CRKL: variants seen among roughly 807,000 people sequenced by gnomAD.
The protein encoded by CRKL is crk-like protein.
CRKL carries 3 observed loss-of-function variants against 23.0 expected under a neutral mutation model. That is an observed-to-expected ratio of 0.13 (90% confidence interval 0.06 to 0.34). The LOEUF (loss-of-function observed/expected upper bound fraction) is 0.34. Ranked by LOEUF, CRKL falls within the 10% of genes least tolerant of loss-of-function variation. The pLI is 1.00. For synonymous variants in CRKL, 188 were observed against 160.7 expected (o/e 1.17, Z -1.28); for missense variants, 256 against 394.5 (o/e 0.65, Z 2.97).
At chr22:20,930,849 T>A (rs1921422901) in intron 1 of CRKL, among the ~76,000 whole-genome samples, 1 of 150,868 alleles carries the variant, frequency 6.6e-6, no homozygotes, top group Non-Finnish European at 1.5e-5. Flanking sequence ...CCTGGCTAAT[T>A]TTTTGTATTT....
intron 2 of CRKL, among the ~76,000 whole-genome samples, chr22:20,941,589 T>TATATATATATATA (rs1491187455): frequency 3.1e-5 from 1 of 32,214 alleles, no homozygotes; most frequent in African/African-American, 1.1e-4. Flanking sequence ...TATATATATA[T>TATATATATATATA]TTTTTTTTTT....
At chr22:20,946,147 A>G (rs1306987923) in intron 2 of CRKL, among the ~76,000 whole-genome samples, 1 of 152,204 alleles carries the variant, frequency 6.6e-6, no homozygotes, top group Non-Finnish European at 1.5e-5. Flanking sequence ...CTGAAAGCAT[A>G]CAATCTCAGC....
intron 1 of CRKL, among the ~76,000 whole-genome samples, chr22:20,918,495 A>G (rs1318678142): frequency 2.0e-5 from 3 of 151,810 alleles, no homozygotes; most frequent in Non-Finnish European, 4.4e-5. Flanking sequence ...TGAATGTTTA[A>G]CGGTGGTTGC....
At chr22:20,930,049 G>A (rs1347732310) in intron 1 of CRKL, among the ~76,000 whole-genome samples, 1 of 152,152 alleles carries the variant, frequency 6.6e-6, no homozygotes, top group Non-Finnish European at 1.5e-5. Flanking sequence ...GATTGATTTG[G>A]TGTCAAATTT....
intron 1 of CRKL, among the ~76,000 whole-genome samples, chr22:20,923,049 G>T (rs1397296375): frequency 2.6e-5 from 4 of 152,126 alleles, no homozygotes; most frequent in Non-Finnish European, 5.9e-5. Context: ...AGCTTGCTTT[G>T]TTTGACATTT....
chr22:20,943,336 T>A (rs1043856346), intron 2 of CRKL, among the ~76,000 whole-genome samples: 1 of 152,038 alleles, frequency 6.6e-6, no homozygotes, highest in African/African-American at 2.4e-5. Flanking sequence ...GCCTTCCAGA[T>A]TCAAGCAATT....
In CRKL at chr22:20,938,837, T is replaced by C. The variant is rs745594447; in HGVS notation, c.777+4593T>C. ...AAGTGTCTAAATGCAGCCTCACCTGTGCTTTTCCCCCATGGTGTGGCATAA... is the reference window on the plus strand; with the variant it reads ...AAGTGTCTAAATGCAGCCTCACCTGCGCTTTTCCCCCATGGTGTGGCATAA... On this transcript the variant is annotated intron_variant, in intron 2 of 2. Transcript: ENST00000354336. Among the ~76,000 whole-genome samples the C allele has an allele frequency of 3.6e-4, 55 of 152,160 alleles. 1 individual carries two copies. Among genetic ancestry groups the C allele is most frequent in the Non-Finnish European group, 1.6e-4 (11 of 68,034 alleles).
At chr22:20,939,402 G>A (rs1308071780) in intron 2 of CRKL, among the ~76,000 whole-genome samples, 4 of 63,824 alleles carry the variant, frequency 6.3e-5, no homozygotes, top group Non-Finnish European at 7.6e-5. Context: ...CACCACGCCC[G>A]GCTAATTTTT....
At chr22:20,945,812 C>T (rs1485359803) in intron 2 of CRKL, among the ~76,000 whole-genome samples, 1 of 151,010 alleles carries the variant, frequency 6.6e-6, no homozygotes, top group East Asian at 1.9e-4. Context: ...CCTTTGTGTC[C>T]TCTGTTGTAT....
intron 2 of CRKL, among the ~76,000 whole-genome samples, chr22:20,937,116 TG>T (rs1174809851): frequency 1.3e-5 from 2 of 151,966 alleles, no homozygotes; most frequent in African/African-American, 2.4e-5. Context: ...CCTCCCAAAG[TG>T]CTCGGATTAC....
rs1229704391 is a variant in CRKL, at chr22:20,949,867, C to T, written c.*22C>T. ...GTGATTGCTGTTGCCCTGTTTCCTG[C>T]TGCTTTGTTGTTCTGCCTGTCCTAG... On this transcript the variant is annotated 3_prime_UTR_variant, in exon 3 of 3. Coordinates refer to ENST00000354336, the MANE Select transcript of CRKL (RefSeq NM_005207.4). 1.9e-6 allele frequency: 3 copies of T among 1,596,750 alleles called. No homozygotes were observed. In the Admixed American group the frequency reaches 5.4e-5, roughly 29 times the overall value.
rs1922250616 is a variant in CRKL, at chr22:20,950,892, T to C, written c.*1047T>C. 4.3e-6 allele frequency: 1 copy of C among 231,820 alleles called. No homozygotes were observed. The highest frequency in any genetic ancestry group is 2.2e-5 in the African/African-American group (1 of 45,270). The allele number at this position is 231,820 out of a possible 1,614,324, so 14.4% of individuals were successfully genotyped here. On this transcript the variant is annotated 3_prime_UTR_variant, in exon 3 of 3. Transcript: ENST00000354336. ...TTGCCAGTAGTACCTTGTTTTGCCA[T>C]GTAGCAGACAACACACAAAATAATG...
Position 20,927,192 on chromosome 22 carries a change from A to ATTTTTTTTT in CRKL, c.312-6577_312-6569dup, listed in dbSNP as rs532930393. ...AGTACTTAGCTCATCTTGGAATTGA[A>ATTTTTTTTT]TTTTTTTTTTTTTTTTTTGAGACAG... On this transcript the variant is annotated intron_variant, in intron 1 of 2. Transcript: ENST00000354336. Among the ~76,000 whole-genome samples, 310 of 81,958 alleles carry ATTTTTTTTT rather than the reference A, an allele frequency of 3.8e-3. 42 individuals are homozygous for ATTTTTTTTT. The highest frequency in any genetic ancestry group is 0.016 in the African/African-American group (278 of 16,960). 53.8% of individuals were successfully genotyped at this position (81,958 alleles called of 152,430 possible).
rs375543648 is a variant in CRKL at position 20,922,055 on chromosome 22, C to T, written c.311+3810C>T. 3.0e-5 allele frequency among the ~76,000 whole-genome samples: 4 copies of T among 131,960 alleles called. No individual in the cohort carries two copies. The East Asian group carries it at 9.2e-4, about 30-fold the overall frequency. 86.6% of individuals were successfully genotyped at this position (131,960 alleles called of 152,430 possible). The stretch of plus-strand genomic sequence containing the variant: ...GGTAGATGACGTCTCACTCTGTGGC[C>T]AGGCTAGAGTGCAGTGGCCCAATCT... On this transcript the variant is annotated intron_variant, in intron 1 of 2. Transcript: ENST00000354336.
chr22:20,931,468 C>G (rs1446148282), intron 1 of CRKL, among the ~76,000 whole-genome samples: 21 of 152,136 alleles, frequency 1.4e-4, no homozygotes, highest in Non-Finnish European at 2.9e-5. Flanking sequence ...GTGTTCATGT[C>G]GGTACATTGG....
In CRKL at chr22:20,952,521, ACT is replaced by A. The variant is rs927460273; in HGVS notation, c.*2679_*2680del. The A allele has an allele frequency of 4.3e-6, 1 of 231,334 alleles. No homozygotes were observed. Among genetic ancestry groups the A allele is most frequent in the African/African-American group, 2.2e-5 (1 of 45,162 alleles). 14.3% of individuals were successfully genotyped at this position (231,334 alleles called of 1,614,324 possible). A position where few individuals can be genotyped will look rare whatever the true frequency, so the allele number is the denominator to read the frequency against. ...TCAGTTTTTTTAATGAGGCAGGGAT[ACT>A]CTGTTTTTCACACTAAACATATGAA... On this transcript the variant is annotated 3_prime_UTR_variant, in exon 3 of 3. Coordinates refer to ENST00000354336, the MANE Select transcript of CRKL (RefSeq NM_005207.4).
chr22:20,951,704 G>C lies in CRKL; in HGVS notation c.*1859G>C, dbSNP rs780517938. On this transcript the variant is annotated 3_prime_UTR_variant, in exon 3 of 3. Coordinates refer to ENST00000354336, the MANE Select transcript of CRKL (RefSeq NM_005207.4). ...TTTAGAGCAATGCATTCTGGAGACA[G>C]AACCAGCAGAACAGCCATTTTTCAA... The C allele has an allele frequency of 4.5e-6, 1 of 224,164 alleles. No homozygotes were observed. Among genetic ancestry groups the C allele is most frequent in the Non-Finnish European group, 8.9e-6 (1 of 112,438 alleles). 13.9% of individuals were successfully genotyped at this position (224,164 alleles called of 1,614,324 possible). A position where few individuals can be genotyped will look rare whatever the true frequency, so the allele number is the denominator to read the frequency against.
Position 20,951,539 on chromosome 22 carries a change from G to T in CRKL, c.*1694G>T, listed in dbSNP as rs1922278118. On this transcript the variant is annotated 3_prime_UTR_variant, in exon 3 of 3. Transcript: ENST00000354336. Reference sequence around the variant, plus strand: ...TGTGCAATTCAGTCTGCTCTCCCTTGTGGACCCTGGTAAAGAAAAGCCTCA... The same window carrying T: ...TGTGCAATTCAGTCTGCTCTCCCTTTTGGACCCTGGTAAAGAAAAGCCTCA... The T allele has an allele frequency of 4.4e-6, 1 of 225,550 alleles. No homozygotes were observed. The highest frequency in any genetic ancestry group is 5.7e-5 in the Admixed American group (1 of 17,518). 14.0% of individuals were successfully genotyped at this position (225,550 alleles called of 1,614,324 possible). A position where few individuals can be genotyped will look rare whatever the true frequency, so the allele number is the denominator to read the frequency against.
rs191277182 is a variant in CRKL at position 20,951,249 on chromosome 22, C to G, written c.*1404C>G. On this transcript the variant is annotated 3_prime_UTR_variant, in exon 3 of 3. Coordinates refer to ENST00000354336, the MANE Select transcript of CRKL (RefSeq NM_005207.4). ...CCAGAGAAAGTTGGTGCTGCTCATA[C>G]TGGTCTCACAGTCTAAGTAAGTGTC... is the stretch of plus-strand genomic sequence containing the variant. 3.8e-4 allele frequency: 89 copies of G among 232,612 alleles called. No individual in the cohort carries two copies. Among genetic ancestry groups the G allele is most frequent in the African/African-American group, 1.8e-3 (84 of 45,434 alleles). 14.4% of individuals were successfully genotyped at this position (232,612 alleles called of 1,614,324 possible). A position where few individuals can be genotyped will look rare whatever the true frequency, so the allele number is the denominator to read the frequency against.
Sources: gnomAD v4.1 joint callset for allele counts (sites outside exome capture counted in the v4.1 genomes callset) on GRCh38, gnomAD v4.1.1 for gene constraint, MANE v1.5 for transcripts, NCBI Gene and HGNC (gene_info 2026-07-23, HGNC 2026-07-21) for gene names.